FURIN: variants seen among roughly 807,000 people sequenced by gnomAD.
The protein encoded by FURIN is furin, paired basic amino acid cleaving enzyme, also known as FES upstream region.
Under a neutral mutation model 89.2 loss-of-function variants are expected in FURIN, and 18 were observed. The observed-to-expected ratio is 0.20, with a 90% CI of 0.14 to 0.30. The LOEUF (loss-of-function observed/expected upper bound fraction) is 0.30. Among genes scored for constraint, FURIN ranks in the 10% least tolerant of loss-of-function variants. FURIN has a pLI of 1.00. For synonymous variants in FURIN, 508 were observed against 466.4 expected (o/e 1.09, Z -1.15); for missense variants, 879 against 1,100.5 (o/e 0.80, Z 2.85).
intron 1 of FURIN, among the ~76,000 whole-genome samples, chr15:90,871,972 G>C (rs1032116757): frequency 1.3e-5 from 2 of 151,382 alleles, no homozygotes; most frequent in Admixed American, 1.3e-4. Flanking sequence ...CTCAGGAAGC[G>C]CCTGCGGGGC....
intron 1 of FURIN, among the ~76,000 whole-genome samples, chr15:90,869,561 A>C (rs182566143): frequency 0.012 from 1,788 of 152,254 alleles, 39 homozygotes; most frequent in African/African-American, 0.042. Context: ...TCCTGTCCTC[A>C]TTCCTCCCTC....
At chr15:90,877,652 G>A (rs1327296853) in intron 7 of FURIN, 37 bp downstream of exon 7, 1 of 1,408,358 alleles carries the variant, frequency 7.1e-7, no homozygotes, top group African/African-American at 1.4e-5. Flanking sequence ...CTTCAGGAGG[G>A]CCCTTCAGTG....
chr15:90,881,253 G>GAC lies in FURIN; in HGVS notation c.1793-26_1793-25dup, dbSNP rs562897548. On this transcript the variant is annotated intron_variant, in intron 15 of 15. Coordinates refer to ENST00000268171, the MANE Select transcript of FURIN (RefSeq NM_002569.4). This position sits in a 1 kb window ranked among gnomAD's most constrained non-coding sequence, Gnocchi z 4.3. ...TCCTGGGGCTACAGTCTGTTTAGCT[G>GAC]ACACACACTTGCCCTCTCTCCCACG... The GAC allele has an allele frequency of 6.7e-7, 1 of 1,501,402 alleles. No individual in the cohort carries two copies. 93.0% of individuals were successfully genotyped at this position (1,501,402 alleles called of 1,614,324 possible).
Position 90,882,038 on chromosome 15 carries a change from A to T in FURIN, c.*160A>T. On this transcript the variant is annotated 3_prime_UTR_variant, in exon 16 of 16. Transcript: ENST00000268171. Reference sequence around the variant, plus strand: ...ACCCTCGGGCCCACCTGGCCACCTGAGGTGGGCCCAGGACCAGCTGGGGCG... The same window carrying T: ...ACCCTCGGGCCCACCTGGCCACCTGTGGTGGGCCCAGGACCAGCTGGGGCG... 18 of 603,002 alleles carry T rather than the reference A, an allele frequency of 3.0e-5. No homozygotes were observed. Among genetic ancestry groups the T allele is most frequent in the East Asian group, 8.9e-5 (3 of 33,878 alleles). 37.4% of individuals were successfully genotyped at this position (603,002 alleles called of 1,614,324 possible).
intron 1 of FURIN, among the ~76,000 whole-genome samples, chr15:90,870,709 C>G (rs2031244526): frequency 6.6e-6 from 1 of 152,182 alleles, no homozygotes; most frequent in Admixed American, 6.5e-5. Context: ...GGAGAGGCTC[C>G]GGCTGGTATA....
chr15:90,876,768 G>C lies in FURIN; in HGVS notation c.373-128G>C. 2 of 1,063,516 alleles carry C rather than the reference G, an allele frequency of 1.9e-6. No individual in the cohort carries two copies. The highest frequency in any genetic ancestry group is 2.8e-6 in the Non-Finnish European group (2 of 715,268). 65.9% of individuals were successfully genotyped at this position (1,063,516 alleles called of 1,614,324 possible). On this transcript the variant is annotated intron_variant, in intron 4 of 15. Coordinates refer to ENST00000268171, the MANE Select transcript of FURIN (RefSeq NM_002569.4). This position sits in a 1 kb window ranked among gnomAD's most constrained non-coding sequence, Gnocchi z 5.0. ...CATTCCCATGGAGTCCAGACAGCCA[G>C]TGGCGGCCTTTCAGGAGCAGGGATG...
rs2031682223 is a variant in FURIN, at chr15:90,877,226, GC to G, written c.578+19del. ...AATGACAACAGGTAAGAAGTGGCAG[GC>G]CCCGGTCTCTGCCTCCCTTCTCCTT... is the stretch of plus-strand genomic sequence containing the variant. On this transcript the variant is annotated intron_variant, in intron 6 of 15. Coordinates refer to ENST00000268171, the MANE Select transcript of FURIN (RefSeq NM_002569.4). 1.9e-6 allele frequency: 3 copies of G among 1,580,650 alleles called. No individual in the cohort carries two copies. The highest frequency in any genetic ancestry group is 2.6e-6 in the Non-Finnish European group (3 of 1,159,720).
Position 90,868,706 on chromosome 15 carries a change from G to T in FURIN, c.-165G>T, listed in dbSNP as rs2031156333. 1 of 152,216 alleles carries T rather than the reference G, an allele frequency of 6.6e-6. No individual in the cohort carries two copies. The allele number at this position is 152,216 out of a possible 1,614,324, so 9.4% of individuals were successfully genotyped here. A position where few individuals can be genotyped will look rare whatever the true frequency, so the allele number is the denominator to read the frequency against. ...AATCCCAGGTGCTCTGGAGCTGGAT[G>T]GTGAAGTATGGACATGCTTTATTCG... On this transcript the variant is annotated 5_prime_UTR_variant, in exon 1 of 16. An upstream start codon of the reference 5' UTR is lost. Transcript: ENST00000268171.
intron 1 of FURIN, among the ~76,000 whole-genome samples, chr15:90,872,086 G>A (rs910687734): frequency 2.9e-4 from 44 of 151,468 alleles, no homozygotes; most frequent in African/African-American, 1.0e-3. Context: ...CGCGGCCGAG[G>A]AGGGCCTGCG....
At position 90,880,080 on chromosome 15, in the gene FURIN, G is replaced by A; in HGVS notation, c.1377-14G>A. The A allele has an allele frequency of 6.2e-7, 1 of 1,603,816 alleles. No homozygotes were observed. The highest frequency in any genetic ancestry group is 8.5e-7 in the Non-Finnish European group (1 of 1,173,462). ...TCTGGGCCAGGCTGACCATCATGGT[G>A]CTCTCCTGCACAGAGACATCGGGAA... On this transcript the variant is annotated splice_polypyrimidine_tract_variant and intron_variant, in intron 12 of 15. Transcript: ENST00000268171.
chr15:90,876,290 A>G lies in FURIN; in HGVS notation c.213A>G (p.Gly71=). 1 of 1,612,490 alleles carries G rather than the reference A, an allele frequency of 6.2e-7. No individual in the cohort carries two copies. The highest frequency in any genetic ancestry group is 8.5e-7 in the Non-Finnish European group (1 of 1,178,828). The change falls in exon 3 of 16, where the codon GGA becomes GGG. Residue 71 remains glycine, a synonymous_variant. Coordinates refer to ENST00000268171, the MANE Select transcript of FURIN (RefSeq NM_002569.4). This position sits in a 1 kb window ranked among gnomAD's most constrained non-coding sequence, Gnocchi z 5.0. ...FGDYYHFWHR[G]VTKRSLSPHR... ...ACTATTACCACTTCTGGCATCGAGG[A>G]GTGACGAAGCGGTCCCTGTCGCCTC...
In FURIN at chr15:90,878,872, A is replaced by T. The variant is rs2031781849; in HGVS notation, c.949A>T (p.Ile317Phe). 1 of 1,612,980 alleles carries T rather than the reference A, an allele frequency of 6.2e-7. No homozygotes were observed. Among genetic ancestry groups the T allele is most frequent in the Non-Finnish European group, 8.5e-7 (1 of 1,179,702 alleles). The change falls in exon 9 of 16, where the codon ATC becomes TTC. Residue 317 changes from isoleucine to phenylalanine, a missense_variant. By Grantham distance (21) the Ile-to-Phe change is conservative (BLOSUM62 0). Transcript: ENST00000268171. ...CACCAACAGTATCTACACGCTGTCC[A>T]TCAGCAGCGCCACGCAGTTTGGCAA... is the stretch of plus-strand genomic sequence containing the variant. ...GYTNSIYTLS[I>F]SSATQFGNVP...
chr15:90,872,148 C>T (rs2031348656), intron 1 of FURIN, among the ~76,000 whole-genome samples: 1 of 151,480 alleles, frequency 6.6e-6, no homozygotes, highest in South Asian at 2.1e-4. Flanking sequence ...GGCTCCTTCG[C>T]TTGGGCCTCG....
At chr15:90,877,810 G>T (rs1250320130) in intron 7 of FURIN, among the ~76,000 whole-genome samples, 195 bp downstream of exon 7, 1 of 152,204 alleles carries the variant, frequency 6.6e-6, no homozygotes, top group Non-Finnish European at 1.5e-5. Context: ...TTCCTAGCAG[G>T]AGTCTCCTGA....
Position 90,882,148 on chromosome 15 carries a change from C to T in FURIN, c.*270C>T. 2.2e-6 allele frequency: 1 copy of T among 446,758 alleles called. No homozygotes were observed. Among genetic ancestry groups the T allele is most frequent in the South Asian group, 2.6e-5 (1 of 37,748 alleles). The allele number at this position is 446,758 out of a possible 1,614,324, so 27.7% of individuals were successfully genotyped here. On this transcript the variant is annotated 3_prime_UTR_variant, in exon 16 of 16. Transcript: ENST00000268171. Reference sequence around the variant, plus strand: ...TTAGGGCAGCTTGCCCCGGCCCCGGCCCCAGCCAGAGTTCCTGCGGAGTGA... The same window carrying T: ...TTAGGGCAGCTTGCCCCGGCCCCGGTCCCAGCCAGAGTTCCTGCGGAGTGA...
rs1484615741 is a variant in FURIN, at chr15:90,877,542, T to C, written c.594T>C (p.Cys198=). 4 of 1,576,488 alleles carry C rather than the reference T, an allele frequency of 2.5e-6. No individual in the cohort carries two copies. Among genetic ancestry groups the C allele is most frequent in the Non-Finnish European group, 3.4e-6 (4 of 1,160,954 alleles). Residue 198 remains cysteine (C), a synonymous_variant, in exon 7 of 16, where the codon TGT becomes TGC. Coordinates refer to ENST00000268171, the MANE Select transcript of FURIN (RefSeq NM_002569.4). The part of the protein sequence containing the change: ...QMNDNRHGTR[C]AGEVAAVANN... ...GCCCTGGCAGGCACGGCACACGGTGTGCGGGGGAAGTGGCTGCGGTGGCCA... is the reference window on the plus strand; with the variant it reads ...GCCCTGGCAGGCACGGCACACGGTGCGCGGGGGAAGTGGCTGCGGTGGCCA...
intron 1 of FURIN, chr15:90,873,030 G>C (rs1321052422): frequency 6.6e-6 from 1 of 152,304 alleles, no homozygotes; most frequent in Admixed American, 6.5e-5. Context: ...CTGGAACAGA[G>C]TCCCATGTGA....
In FURIN at chr15:90,880,770, G is replaced by C. The variant is rs570817790; in HGVS notation, c.1636G>C (p.Glu546Gln). The change falls in exon 14 of 16, where the codon GAG becomes CAG. Residue 546 changes from glutamate (E) to glutamine (Q), a missense_variant. Glu to Gln is a conservative substitution (Grantham distance 29, BLOSUM62 2). This residue lies in a region of FURIN where 457 missense variants were observed against 490.7 expected (regional missense o/e 0.93). Coordinates refer to ENST00000268171, the MANE Select transcript of FURIN (RefSeq NM_002569.4). ...TTCCTGGGATGAGGATCCCTCTGGC[G>C]AGTGGGTCCTAGAGATTGAAAACAC... Reference protein sequence around the residue: ...THSWDEDPSGEWVLEIENTSE... With the variant: ...THSWDEDPSGQWVLEIENTSE... 1 of 1,614,014 alleles carries C rather than the reference G, an allele frequency of 6.2e-7. No individual in the cohort carries two copies. The highest frequency in any genetic ancestry group is 8.5e-7 in the Non-Finnish European group (1 of 1,179,936).
chr15:90,878,359 C>T, intron 8 of FURIN, 55 bp downstream of exon 8: 1 of 1,389,046 alleles, frequency 7.2e-7, no homozygotes, highest in Non-Finnish European at 9.7e-7. Flanking sequence ...GTCTTCCGTA[C>T]CTATCTTGTG....
Sources: gnomAD v4.1 joint callset for allele counts (sites outside exome capture counted in the v4.1 genomes callset) on GRCh38, gnomAD v4.1.1 for gene constraint, gnomAD v4.1.1 regional missense constraint, Gnocchi (gnomAD v3.1) non-coding constraint, MANE v1.5 for transcripts, NCBI Gene and HGNC (gene_info 2026-07-23, HGNC 2026-07-21) for gene names.